Variants in GATAD1 observed in about 807,000 individuals in gnomAD.
GATAD1 encodes the protein GATA zinc finger domain-containing protein 1.
A neutral mutation model predicts 26.5 loss-of-function variants in GATAD1; 12 were observed. The observed-to-expected ratio is 0.45, with a 90% CI of 0.29 to 0.73. The LOEUF is 0.73. Ranked by LOEUF, GATAD1 falls within the 30% of genes least tolerant of loss-of-function variation. The probability of loss-of-function intolerance (pLI) is 0.10; values close to 1 mark genes in which losing one functional copy is unlikely to be tolerated. For synonymous variants in GATAD1, 129 were observed against 133.1 expected, an observed-to-expected ratio of 0.97 and a Z score of 0.21; for missense variants, 266 against 342.1, an observed-to-expected ratio of 0.78 and a Z score of 1.75.
the GATAD1 span, among the ~76,000 whole-genome samples, chr7:92,481,572 CT>C: frequency 6.6e-6 from 1 of 152,276 alleles, no homozygotes; most frequent in South Asian, 2.1e-4. Flanking sequence ...GGTCCCGGTC[CT>C]TGTGTAAGAA....
downstream of GATAD1, among the ~76,000 whole-genome samples, chr7:92,462,331 A>G (rs189892059): frequency 7.0e-4 from 106 of 152,070 alleles, no homozygotes; most frequent in Non-Finnish European, 1.3e-3. Context: ...TGTTTAGTGT[A>G]AAACCTGGAC....
At chr7:92,466,131 C>T in the GATAD1 span, among the ~76,000 whole-genome samples, 2 of 152,146 alleles carry the variant, frequency 1.3e-5, no homozygotes, top group Non-Finnish European at 2.9e-5. Flanking sequence ...ACACACTTCT[C>T]CCCATGAATA....
intron 1 of GATAD1, 106 bp downstream of exon 1, chr7:92,448,084 C>CACGGCGA: frequency 1.2e-6 from 1 of 831,818 alleles, no homozygotes; most frequent in Non-Finnish European, 1.6e-6. Flanking sequence ...GATCGCCGTG[C>CACGGCGA]TCCTGCTGGC....
At chr7:92,479,086 C>A in the GATAD1 span, among the ~76,000 whole-genome samples, 11 of 152,318 alleles carry the variant, frequency 7.2e-5, no homozygotes, top group East Asian at 1.9e-3. Context: ...TTCCTTCTCT[C>A]GGCTTGGAGC....
At chr7:92,494,897 C>G in the GATAD1 span, among the ~76,000 whole-genome samples, 3 of 151,678 alleles carry the variant, frequency 2.0e-5, no homozygotes, top group Non-Finnish European at 2.9e-5. Context: ...CCCTTGTATT[C>G]AGTAAACTGT....
At chr7:92,468,856 C>T in the GATAD1 span, 22 of 764,332 alleles carry the variant, frequency 2.9e-5, no homozygotes, top group East Asian at 9.7e-5. Flanking sequence ...AACATCAGAT[C>T]GTGGGCTAGC....
At chr7:92,454,454 A>T (rs761360783) in intron 3 of GATAD1, 48 bp from the exon 4 acceptor site, 2 of 1,382,900 alleles carry the variant, frequency 1.4e-6, no homozygotes, top group Non-Finnish European at 2.1e-6. Context: ...CATAGCTGTG[A>T]TGTTCTATTT....
chr7:92,469,367 C>T, the GATAD1 span: 11 of 767,236 alleles, frequency 1.4e-5, no homozygotes, highest in South Asian at 2.7e-5. Context: ...GTTGTGATAC[C>T]GCCAATGCCA....
chr7:92,451,622 T>C (rs1387184270), intron 3 of GATAD1, among the ~76,000 whole-genome samples: 2 of 152,202 alleles, frequency 1.3e-5, no homozygotes, highest in Non-Finnish European at 2.9e-5. Flanking sequence ...TACACTGGCA[T>C]TCCTCAGCAG....
chr7:92,492,281 C>G, the GATAD1 span, among the ~76,000 whole-genome samples: 894 of 152,258 alleles, frequency 5.9e-3, 7 homozygotes, highest in Middle Eastern at 0.024. Context: ...GAAGCTAGGA[C>G]TACAGGTATG....
the GATAD1 span, chr7:92,489,462 G>A: frequency 1.3e-6 from 2 of 1,586,380 alleles, no homozygotes; most frequent in Non-Finnish European, 1.7e-6. Flanking sequence ...GTTAAATTAA[G>A]GATGTAAAAA....
the GATAD1 span, among the ~76,000 whole-genome samples, chr7:92,465,829 C>T: frequency 3.9e-5 from 6 of 152,010 alleles, no homozygotes; most frequent in South Asian, 2.1e-4. Context: ...GGTGAAACCT[C>T]GTCTCTACTA....
the GATAD1 span, chr7:92,469,151 A>G: frequency 4.3e-6 from 3 of 705,258 alleles, no homozygotes; most frequent in Non-Finnish European, 7.8e-6. Flanking sequence ...ACGATTCCGG[A>G]TTGATTAACA....
In GATAD1 at chr7:92,457,831, C is replaced by T. The variant is rs549139067; in HGVS notation, c.*1269C>T. ...TGATTGGTGGATGATTTTATTAGCC[C>T]AGGCTTTTAAAAACTTTCATCTAGG... On this transcript the variant is annotated 3_prime_UTR_variant, in exon 5 of 5. Coordinates refer to ENST00000287957, the MANE Select transcript of GATAD1 (RefSeq NM_021167.5). The T allele has an allele frequency of 3.9e-5, 6 of 152,250 alleles. No individual in the cohort carries two copies. Among genetic ancestry groups the T allele is most frequent in the African/African-American group, 1.4e-4 (6 of 41,544 alleles). 9.4% of individuals were successfully genotyped at this position (152,250 alleles called of 1,614,324 possible).
chr7:92,477,814 T>TGGAC, the GATAD1 span: 2 of 176,236 alleles, frequency 1.1e-5, no homozygotes, highest in Non-Finnish European at 2.3e-5. Context: ...ACAGCAGTGG[T>TGGAC]GGACGGTGAG....
At chr7:92,473,373 A>T in the GATAD1 span, among the ~76,000 whole-genome samples, 3 of 152,050 alleles carry the variant, frequency 2.0e-5, no homozygotes, top group Non-Finnish European at 4.4e-5. Flanking sequence ...AATCTTTTGG[A>T]GTCCTTGTTG....
chr7:92,447,977 A>C lies in GATAD1; in HGVS notation c.248A>C (p.Gln83Pro), dbSNP rs1444033535. 1.6e-6 allele frequency: 2 copies of C among 1,219,974 alleles called. No individual in the cohort carries two copies. The highest frequency in any genetic ancestry group is 4.3e-5 in the Admixed American group (1 of 23,014). The allele number at this position is 1,219,974 out of a possible 1,614,324, so 75.6% of individuals were successfully genotyped here. A position where few individuals can be genotyped will look rare whatever the true frequency, so the allele number is the denominator to read the frequency against. ...PQSNGGGGGK[Q>P]SKQEIHRRSA... ...AGCAACGGGGGCGGGGGCGGCAAGC[A>C]GGTGAGCTCCTCCGGCCCCTCCCGC... The change falls in exon 1 of 5, where the codon CAG becomes CCG. Residue 83 changes from glutamine to proline, a missense_variant and splice_region_variant. Physicochemically the swap from Gln to Pro is moderately conservative, Grantham distance 76 (BLOSUM62 -1). Transcript: ENST00000287957.
downstream of GATAD1, among the ~76,000 whole-genome samples, chr7:92,463,762 A>G (rs936191242): frequency 6.6e-6 from 1 of 151,988 alleles, no homozygotes; most frequent in Non-Finnish European, 1.5e-5. Context: ...TGAGGTCAAG[A>G]GTTAAGGACC....
the GATAD1 span, chr7:92,469,857 G>A: frequency 1.0e-5 from 8 of 775,698 alleles, no homozygotes; most frequent in African/African-American, 1.7e-5. Flanking sequence ...AGACCTCATG[G>A]AGCCCAGTGA....
Sources: allele counts gnomAD v4.1 joint callset (sites outside exome capture counted in the v4.1 genomes callset), GRCh38; gene constraint gnomAD v4.1.1; transcripts MANE v1.5; gene names NCBI Gene and HGNC (gene_info 2026-07-23, HGNC 2026-07-21).